Variants in TBC1D21 observed in about 807,000 individuals in gnomAD.
TBC1D21 encodes the protein male germ cell Rab GTPase-activating protein.
Under a neutral mutation model 46.0 loss-of-function variants are expected in TBC1D21, and 38 were observed. That is an observed-to-expected ratio of 0.83 (90% CI 0.64 to 1.08). The LOEUF is 1.08. TBC1D21 is among the 50% of genes least tolerant of loss of function. The pLI is 0.00. For synonymous variants in TBC1D21, 151 were observed against 157.2 expected (o/e 0.96, Z 0.29); for missense variants, 415 against 417.9 (o/e 0.99, Z 0.06).
Position 73,873,612 on chromosome 15 carries a change from T to C in TBC1D21, c.-98T>C. Reference sequence around the variant, plus strand: ...AGTGTGGGAGGTCAGGAGCAGCCAGTTCCTCCTGGGAATGCAACCCATCTC... The same window carrying C: ...AGTGTGGGAGGTCAGGAGCAGCCAGCTCCTCCTGGGAATGCAACCCATCTC... On this transcript the variant is annotated 5_prime_UTR_variant, in exon 1 of 11. Transcript: ENST00000300504. 3 of 1,353,922 alleles carry C rather than the reference T, an allele frequency of 2.2e-6. No individual in the cohort carries two copies. The highest frequency in any genetic ancestry group is 4.0e-5 in the Admixed American group (2 of 50,146). The allele number at this position is 1,353,922 out of a possible 1,614,324, so 83.9% of individuals were successfully genotyped here.
chr15:73,899,317 C>T, the TBC1D21 span, among the ~76,000 whole-genome samples: 1 of 152,130 alleles, frequency 6.6e-6, no homozygotes, highest in Non-Finnish European at 1.5e-5. Flanking sequence ...AGGGCTCCCG[C>T]TCACAGGAAG....
intron 1 of TBC1D21, among the ~76,000 whole-genome samples, chr15:73,875,012 C>T (rs974819456): frequency 2.0e-5 from 3 of 152,000 alleles, no homozygotes; most frequent in Non-Finnish European, 4.4e-5. Flanking sequence ...TTTGGGAGGC[C>T]GAAGCGGGCA....
intron 1 of TBC1D21, among the ~76,000 whole-genome samples, chr15:73,876,782 G>T (rs1037363409): frequency 4.6e-5 from 7 of 151,870 alleles, no homozygotes; most frequent in African/African-American, 1.5e-4. Flanking sequence ...TCGTATCTTT[G>T]TTCGTCATTT....
the TBC1D21 span, among the ~76,000 whole-genome samples, chr15:73,900,988 T>C: frequency 6.6e-6 from 1 of 152,214 alleles, no homozygotes; most frequent in African/African-American, 2.4e-5. Flanking sequence ...GCCCAATTTC[T>C]TGCCCAGGGA....
intron 10 of TBC1D21, 68 bp from the exon 11 acceptor site, chr15:73,889,001 C>T (rs924562945): frequency 4.4e-5 from 70 of 1,590,078 alleles, no homozygotes; most frequent in Non-Finnish European, 6.0e-5. Context: ...AATGTCGCTG[C>T]TTAGAAGAAC....
At chr15:73,904,695 G>A in the TBC1D21 span, among the ~76,000 whole-genome samples, 3 of 152,258 alleles carry the variant, frequency 2.0e-5, no homozygotes, top group South Asian at 4.2e-4. Context: ...GCTGGGTGAA[G>A]TGGAAACCAA....
Position 73,876,230 on chromosome 15 carries a change from T to G in TBC1D21, c.60+2461T>G, listed in dbSNP as rs1286240823. On this transcript the variant is annotated intron_variant, in intron 1 of 10. Coordinates refer to ENST00000300504, the MANE Select transcript of TBC1D21 (RefSeq NM_153356.3). ...TTTTTTTTTTTTTTTTTTTTTTTTT[T>G]TTTTTTTTTTTTTTTGAGACGGAGT... Among the ~76,000 whole-genome samples the G allele has an allele frequency of 5.5e-4, 58 of 106,276 alleles. 1 individual carries two copies. Among genetic ancestry groups the G allele is most frequent in the South Asian group, 2.1e-3 (6 of 2,884 alleles). 69.7% of individuals were successfully genotyped at this position (106,276 alleles called of 152,430 possible).
chr15:73,898,880 A>AAATAT, the TBC1D21 span, among the ~76,000 whole-genome samples: 7 of 56,804 alleles, frequency 1.2e-4, no homozygotes, highest in South Asian at 6.1e-4. Context: ...AAAAAAAAAA[A>AAATAT]ATATATATAT....
the TBC1D21 span, among the ~76,000 whole-genome samples, chr15:73,896,980 A>G: frequency 2.6e-5 from 4 of 152,218 alleles, no homozygotes; most frequent in Admixed American, 2.0e-4. Flanking sequence ...AGCCCATGAT[A>G]ACTGGGCTGG....
At chr15:73,903,270 T>C in the TBC1D21 span, among the ~76,000 whole-genome samples, 1 of 152,188 alleles carries the variant, frequency 6.6e-6, no homozygotes, top group African/African-American at 2.4e-5. Flanking sequence ...CATCTCTTCA[T>C]GAGAGAACTA....
At chr15:73,897,792 G>A in the TBC1D21 span, among the ~76,000 whole-genome samples, 33,883 of 152,222 alleles carry the variant, frequency 0.22, 4,751 homozygotes, top group East Asian at 0.68. Flanking sequence ...GGCTCTCAGA[G>A]GCCCTACGCC....
At chr15:73,902,466 C>T in the TBC1D21 span, among the ~76,000 whole-genome samples, 1 of 152,202 alleles carries the variant, frequency 6.6e-6, no homozygotes, top group Admixed American at 6.5e-5. Context: ...AAATACCTGT[C>T]CCCTCTTTTC....
rs764587801 is a variant in TBC1D21 at position 73,873,892 on chromosome 15, G to A, written c.60+123G>A. ...AGCTAACATAGAAGGTGGAGCAAGG[G>A]CGGTTGTACCTTACTCTTACCATCA... On this transcript the variant is annotated intron_variant, in intron 1 of 10. Transcript: ENST00000300504. The A allele has an allele frequency of 4.5e-5, 52 of 1,144,770 alleles. No homozygotes were observed. In the African/African-American group the frequency reaches 7.4e-4, roughly 16 times the overall value. 70.9% of individuals were successfully genotyped at this position (1,144,770 alleles called of 1,614,324 possible).
At chr15:73,888,564 T>TTCCTCCTCCTCCTCCTCTTCCTCC (rs1402887907) in intron 10 of TBC1D21, 51 bp downstream of exon 10, 7 of 1,130,938 alleles carry the variant, frequency 6.2e-6, no homozygotes, top group African/African-American at 2.5e-5. Context: ...CCTCCTCCTC[T>TTCCTCCTCCTCCTCCTCTTCCTCC]TCCTCCTCCT....
At chr15:73,889,552 C>T (rs550145056), downstream of TBC1D21, among the ~76,000 whole-genome samples, 4 of 152,358 alleles carry the variant, frequency 2.6e-5, no homozygotes, top group East Asian at 7.7e-4. Context: ...GCTCTGCCCC[C>T]ACCCCCACTG....
the TBC1D21 span, among the ~76,000 whole-genome samples, chr15:73,903,251 C>T: frequency 2.0e-5 from 3 of 152,342 alleles, no homozygotes; most frequent in Non-Finnish European, 4.4e-5. Flanking sequence ...CCCATGCCTC[C>T]GGCTTCTGCA....
intron 1 of TBC1D21, among the ~76,000 whole-genome samples, chr15:73,876,187 C>G (rs1307061590): frequency 1.1e-4 from 8 of 76,022 alleles, no homozygotes; most frequent in African/African-American, 2.8e-4. Flanking sequence ...GAATCAGTGA[C>G]TTTTTTTGTG....
chr15:73,890,098 G>T (rs972887945), downstream of TBC1D21, among the ~76,000 whole-genome samples: 14 of 152,212 alleles, frequency 9.2e-5, no homozygotes, highest in African/African-American at 3.4e-4. Context: ...ATTACACATG[G>T]GCAGGAGGGA....
Position 73,876,199 on chromosome 15 carries a change from GTTTTTTTT to G in TBC1D21, c.60+2469_60+2476del, listed in dbSNP as rs539517539. On this transcript the variant is annotated intron_variant, in intron 1 of 10. Transcript: ENST00000300504. ...GAAGAATCAGTGACTTTTTTTGTGG[GTTTTTTTT>G]TTTTTTTTTTTTTTTTTTTTTTTTT... Among the ~76,000 whole-genome samples, 71 of 28,320 alleles carry G rather than the reference GTTTTTTTT, an allele frequency of 2.5e-3. 5 individuals are homozygous for G. Among genetic ancestry groups the G allele is most frequent in the South Asian group, 8.4e-3 (8 of 958 alleles). The allele number at this position is 28,320 out of a possible 152,430, so 18.6% of individuals were successfully genotyped here.
Sources: allele counts gnomAD v4.1 joint callset (sites outside exome capture counted in the v4.1 genomes callset), GRCh38; gene constraint gnomAD v4.1.1; transcripts MANE v1.5; gene names NCBI Gene and HGNC (gene_info 2026-07-23, HGNC 2026-07-21).